STOX2: variants seen among roughly 807,000 people sequenced by gnomAD.
The protein encoded by STOX2 is storkhead-box protein 2.
A neutral mutation model predicts 60.9 loss-of-function variants in STOX2; 28 were observed. The ratio of observed to expected loss-of-function variants is 0.46; its 90% confidence interval spans 0.34 to 0.63. STOX2 has a LOEUF of 0.63. Among genes scored for constraint, STOX2 ranks in the 30% least tolerant of loss-of-function variants. The pLI is 0.01. For missense variants in STOX2, 1,024 were observed against 1,187.7 expected (o/e 0.86, Z 2.03); for synonymous variants, 472 against 463.9 (o/e 1.02, Z -0.22).
chr4:183,886,088 T>C (rs1393617981), intron 1 of STOX2, among the ~76,000 whole-genome samples: 10 of 143,808 alleles, frequency 7.0e-5, no homozygotes, highest in Non-Finnish European at 1.1e-4. Context: ...CGATGGTTGC[T>C]GGATGGTGTA....
chr4:183,997,345 G>A (rs1261329747), intron 1 of STOX2, among the ~76,000 whole-genome samples: 1 of 152,248 alleles, frequency 6.6e-6, no homozygotes, highest in Non-Finnish European at 1.5e-5. Context: ...TCAAAGAACA[G>A]AGGAGGTCGT....
intron 1 of STOX2, among the ~76,000 whole-genome samples, chr4:183,864,290 C>A (rs922451481): frequency 6.6e-6 from 1 of 152,138 alleles, no homozygotes; most frequent in South Asian, 2.1e-4. Flanking sequence ...CAGCCCCTTT[C>A]AGGAATGTTA....
At chr4:183,895,491 C>T (rs1414073974) in intron 1 of STOX2, among the ~76,000 whole-genome samples, 2 of 152,174 alleles carry the variant, frequency 1.3e-5, no homozygotes, top group Non-Finnish European at 2.9e-5. Context: ...GAAATCTCCC[C>T]TGGCCACCCC....
Position 184,001,133 on chromosome 4 carries a change from C to T in STOX2, c.167-192C>T, listed in dbSNP as rs946209749. Among the ~76,000 whole-genome samples, 4 of 152,124 alleles carry T rather than the reference C, an allele frequency of 2.6e-5. No individual in the cohort carries two copies. Among genetic ancestry groups the T allele is most frequent in the Non-Finnish European group, 5.9e-5 (4 of 68,028 alleles). ...GTTGAGGCAGTAGGAGCTTCCACTG[C>T]GTGTGGAAGTCTTTCCACCTGAGTG... is the stretch of plus-strand genomic sequence containing the variant. On this transcript the variant is annotated intron_variant, in intron 1 of 3. Transcript: ENST00000308497. This position sits in a 1 kb window ranked among gnomAD's most constrained non-coding sequence, Gnocchi z 4.2.
chr4:183,991,716 G>T (rs911609709), intron 1 of STOX2, among the ~76,000 whole-genome samples: 1 of 152,058 alleles, frequency 6.6e-6, no homozygotes, highest in South Asian at 2.1e-4. Context: ...GAGCCACCGC[G>T]CCCGGCCAGG....
At chr4:183,902,480 T>C (rs566634065), upstream of STOX2, among the ~76,000 whole-genome samples, 1 of 152,224 alleles carries the variant, frequency 6.6e-6, no homozygotes, top group Non-Finnish European at 1.5e-5. Flanking sequence ...CTAACTTTCC[T>C]AATATTGAAT....
intron 1 of STOX2, among the ~76,000 whole-genome samples, chr4:183,949,632 A>G (rs573770921): frequency 7.2e-5 from 11 of 152,220 alleles, no homozygotes; most frequent in Non-Finnish European, 1.5e-4. Context: ...CGGGAGATGT[A>G]GGTTGCAGTG....
At position 183,948,218 on chromosome 4, in the gene STOX2, CAAAAAAAAAAAAAAAAA is replaced by C. The variant is rs760286920; in HGVS notation, c.166+41272_166+41288del. 4.0e-4 allele frequency among the ~76,000 whole-genome samples: 12 copies of C among 29,878 alleles called. 1 individual carries two copies. The highest frequency in any genetic ancestry group is 4.9e-4 in the Non-Finnish European group (9 of 18,194). 19.6% of individuals were successfully genotyped at this position (29,878 alleles called of 152,430 possible). A position where few individuals can be genotyped will look rare whatever the true frequency, so the allele number is the denominator to read the frequency against. Reference sequence around the variant, plus strand: ...GGGCAACAAGAGCAAAACTCCATCTCAAAAAAAAAAAAAAAAAAAAAAAAAACACGAAAAAGAGTAAG... The same window carrying C: ...GGGCAACAAGAGCAAAACTCCATCTCAAAAAAAAACACGAAAAAGAGTAAG... On this transcript the variant is annotated intron_variant, in intron 1 of 3. Coordinates refer to ENST00000308497, the MANE Select transcript of STOX2 (RefSeq NM_020225.3).
chr4:184,001,243 C>T lies in STOX2; in HGVS notation c.167-82C>T. ...CTGACTGTGTTCGTCAGACCAGGGC[C>T]AGATGGACGCGTGAAGGCGTGTGTC... On this transcript the variant is annotated intron_variant, in intron 1 of 3. Coordinates refer to ENST00000308497, the MANE Select transcript of STOX2 (RefSeq NM_020225.3). The surrounding 1 kb of genome is among the most constrained non-coding windows in gnomAD (Gnocchi z 4.2). 7.1e-7 allele frequency: 1 copy of T among 1,408,768 alleles called. No individual in the cohort carries two copies. Among genetic ancestry groups the T allele is most frequent in the Non-Finnish European group, 9.9e-7 (1 of 1,011,274 alleles). 87.3% of individuals were successfully genotyped at this position (1,408,768 alleles called of 1,614,324 possible). A position where few individuals can be genotyped will look rare whatever the true frequency, so the allele number is the denominator to read the frequency against.
chr4:183,993,726 C>G (rs979244115), intron 1 of STOX2, among the ~76,000 whole-genome samples: 1 of 152,182 alleles, frequency 6.6e-6, no homozygotes, highest in South Asian at 2.1e-4. Context: ...GCATTTGAAA[C>G]AAACCTACAG....
At chr4:183,963,062 T>G (rs1579475065) in intron 1 of STOX2, among the ~76,000 whole-genome samples, 1 of 152,200 alleles carries the variant, frequency 6.6e-6, no homozygotes, top group Non-Finnish European at 1.5e-5. Context: ...TCTACACTCA[T>G]TGGGGTAACT....
chr4:183,889,786 C>T (rs1319938143), intron 1 of STOX2, among the ~76,000 whole-genome samples: 1 of 152,124 alleles, frequency 6.6e-6, no homozygotes, highest in Non-Finnish European at 1.5e-5. Flanking sequence ...GCCTCCTTTC[C>T]ATATATATGT....
chr4:183,841,191 T>A (rs977636620), intron 1 of STOX2, among the ~76,000 whole-genome samples: 58 of 148,758 alleles, frequency 3.9e-4, no homozygotes, highest in Non-Finnish European at 7.2e-4. Context: ...ATTTATTTAT[T>A]TATTTATTTA....
chr4:183,976,319 A>C (rs1023957752), intron 1 of STOX2, among the ~76,000 whole-genome samples: 2 of 151,600 alleles, frequency 1.3e-5, no homozygotes, highest in African/African-American at 4.9e-5. Context: ...CTCAAAAACA[A>C]ACAAAAAAAA....
intron 1 of STOX2, among the ~76,000 whole-genome samples, chr4:183,907,182 G>A (rs563690499): frequency 1.3e-5 from 2 of 152,160 alleles, no homozygotes; most frequent in African/African-American, 4.8e-5. Flanking sequence ...AACGAGGGAG[G>A]GGGGACGAGC....
At chr4:183,952,458 C>G (rs543791606) in intron 1 of STOX2, among the ~76,000 whole-genome samples, 1 of 152,294 alleles carries the variant, frequency 6.6e-6, no homozygotes, top group Admixed American at 6.5e-5. Flanking sequence ...TTCCTTTCCA[C>G]AAGAGTAGTT....
intron 1 of STOX2, among the ~76,000 whole-genome samples, chr4:183,892,221 G>A (rs1246997643): frequency 1.3e-5 from 2 of 152,320 alleles, no homozygotes; most frequent in East Asian, 3.9e-4. Context: ...GCGCCTGTGA[G>A]CCACCTCGGG....
At chr4:183,837,255 A>G (rs1739733522) in intron 1 of STOX2, among the ~76,000 whole-genome samples, 1 of 152,188 alleles carries the variant, frequency 6.6e-6, no homozygotes, top group South Asian at 2.1e-4. Flanking sequence ...ACAATTCAGT[A>G]ACATTAAATA....
intron 1 of STOX2, among the ~76,000 whole-genome samples, chr4:183,803,073 C>T (rs771982563): frequency 3.9e-5 from 6 of 152,208 alleles, no homozygotes; most frequent in African/African-American, 1.2e-4. Flanking sequence ...TCACATCTTA[C>T]GTGGATGGCA....
Sources: allele counts gnomAD v4.1 joint callset (sites outside exome capture counted in the v4.1 genomes callset), GRCh38; gene constraint gnomAD v4.1.1; non-coding constraint Gnocchi (gnomAD v3.1); transcripts MANE v1.5; gene names NCBI Gene and HGNC (gene_info 2026-07-23, HGNC 2026-07-21).